The following ZFAT variants were observed in gnomAD, a reference collection of about 807,000 sequenced individuals.
The protein encoded by ZFAT is zinc finger and AT-hook domain containing.
A neutral mutation model predicts 117.7 loss-of-function variants in ZFAT; 64 were observed. That is an observed-to-expected ratio of 0.54 (90% CI 0.44 to 0.67). ZFAT has a LOEUF of 0.67. ZFAT is among the 30% of genes least tolerant of loss of function. The probability of loss-of-function intolerance (pLI) is 0.00; values close to 1 mark genes in which losing one functional copy is unlikely to be tolerated. For missense variants in ZFAT, 1,433 were observed against 1,584.5 expected, an observed-to-expected ratio of 0.90 and a Z score of 1.62; for synonymous variants, 679 against 615.0, an observed-to-expected ratio of 1.10 and a Z score of -1.54.
At chr8:134,818,658 A>C in the ZFAT span, among the ~76,000 whole-genome samples, 1 of 152,242 alleles carries the variant, frequency 6.6e-6, no homozygotes, top group Non-Finnish European at 1.5e-5. Flanking sequence ...TATTCATAGA[A>C]GCTTTACTTT....
At chr8:134,820,391 G>A in the ZFAT span, among the ~76,000 whole-genome samples, 5 of 152,200 alleles carry the variant, frequency 3.3e-5, no homozygotes, top group African/African-American at 1.2e-4. Flanking sequence ...AAGACTGTAA[G>A]CTCCTTTAGG....
chr8:134,812,631 T>A, the ZFAT span, among the ~76,000 whole-genome samples: 1 of 152,070 alleles, frequency 6.6e-6, no homozygotes, highest in African/African-American at 2.4e-5. Context: ...GATACTCAGG[T>A]GACTGAGGCA....
At chr8:134,663,893 T>C (rs1434487464) in intron 1 of ZFAT, among the ~76,000 whole-genome samples, 1 of 152,148 alleles carries the variant, frequency 6.6e-6, no homozygotes, top group Non-Finnish European at 1.5e-5. Context: ...AAGAATGGTG[T>C]CTTATTCAAG....
intron 3 of ZFAT, among the ~76,000 whole-genome samples, chr8:134,631,745 T>G (rs1160186794): frequency 5.3e-5 from 8 of 152,178 alleles, no homozygotes; most frequent in Non-Finnish European, 7.3e-5. Flanking sequence ...AGTGGCAAAT[T>G]GGCAGCAAGC....
At chr8:134,517,100 T>G (rs1419084602) in intron 13 of ZFAT, among the ~76,000 whole-genome samples, 1 of 152,154 alleles carries the variant, frequency 6.6e-6, no homozygotes, top group Non-Finnish European at 1.5e-5. Context: ...ATAACTGCAG[T>G]TTTTGCAGTT....
chr8:134,512,807 A>C (rs530702593), intron 13 of ZFAT, among the ~76,000 whole-genome samples: 1 of 152,318 alleles, frequency 6.6e-6, no homozygotes, highest in Admixed American at 6.5e-5. Context: ...ACCTTTAAAA[A>C]CTAGCTTTGG....
the ZFAT span, among the ~76,000 whole-genome samples, chr8:134,814,785 C>T: frequency 2.0e-5 from 3 of 152,192 alleles, no homozygotes; most frequent in African/African-American, 7.2e-5. Context: ...CTGTTTGACA[C>T]ATCCCAATAC....
the ZFAT span, among the ~76,000 whole-genome samples, chr8:134,827,103 G>A: frequency 2.0e-5 from 3 of 152,102 alleles, no homozygotes; most frequent in African/African-American, 7.2e-5. Flanking sequence ...CCAGACTGGA[G>A]TGTAGTGGCG....
At chr8:134,668,052 G>C (rs541872945) in intron 1 of ZFAT, among the ~76,000 whole-genome samples, 1 of 152,160 alleles carries the variant, frequency 6.6e-6, no homozygotes, top group Non-Finnish European at 1.5e-5. Context: ...CGGCACTGAG[G>C]CTGGGGAAGG....
At chr8:134,628,424 G>T (rs1829668153) in intron 3 of ZFAT, among the ~76,000 whole-genome samples, 1 of 152,124 alleles carries the variant, frequency 6.6e-6, no homozygotes, top group Non-Finnish European at 1.5e-5. Flanking sequence ...GGTTCTTAAG[G>T]CGCTTAGGCT....
intron 11 of ZFAT, among the ~76,000 whole-genome samples, chr8:134,545,908 A>G (rs939051814): frequency 6.6e-6 from 1 of 152,224 alleles, no homozygotes. Flanking sequence ...AGAAAAGTAA[A>G]GAAAGAAAGA....
chr8:134,563,072 C>T (rs762255756), intron 11 of ZFAT, among the ~76,000 whole-genome samples: 1 of 152,194 alleles, frequency 6.6e-6, no homozygotes, highest in Non-Finnish European at 1.5e-5. Flanking sequence ...AATAATTGCA[C>T]TAGTCCCCCA....
At position 134,532,902 on chromosome 8, in the gene ZFAT, T is replaced by C; in HGVS notation, c.3047A>G (p.Lys1016Arg). The C allele has an allele frequency of 5.0e-6, 8 of 1,609,938 alleles. No individual in the cohort carries two copies. The highest frequency in any genetic ancestry group is 5.9e-6 in the Non-Finnish European group (7 of 1,178,192). Residue 1016 changes from lysine (K) to arginine (R), a missense_variant, in exon 12 of 16, where the codon AAG becomes AGG. Physicochemically the swap from Lys to Arg is conservative, Grantham distance 26 (BLOSUM62 2). Coordinates refer to ENST00000377838, the MANE Select transcript of ZFAT (RefSeq NM_020863.4). ...SGSLKRHYNR[K>R]HPNEEYANVG... ...GTTGGCATACTCCTCATTAGGGTGC[T>C]TCCTGTTGTAGTGCCGCTTCAGAGA...
At chr8:134,512,404 G>C in intron 14 of ZFAT, 71 bp downstream of exon 14, 2 of 1,574,522 alleles carry the variant, frequency 1.3e-6, no homozygotes, top group Admixed American at 3.5e-5. Flanking sequence ...TCATTCATCT[G>C]CAAACGCATT....
At chr8:134,615,385 C>T (rs948254106) in intron 3 of ZFAT, among the ~76,000 whole-genome samples, 5 of 152,146 alleles carry the variant, frequency 3.3e-5, no homozygotes, top group Admixed American at 1.3e-4. Flanking sequence ...GACGGGGTTT[C>T]GCCATGTTAG....
the ZFAT span, among the ~76,000 whole-genome samples, chr8:134,818,319 T>C: frequency 6.6e-6 from 1 of 152,096 alleles, no homozygotes; most frequent in Admixed American, 6.6e-5. Context: ...GTAAAAGATT[T>C]GAACAGATGC....
intron 7 of ZFAT, among the ~76,000 whole-genome samples, chr8:134,590,603 C>T (rs956683124): frequency 2.0e-5 from 3 of 151,400 alleles, no homozygotes; most frequent in Non-Finnish European, 4.4e-5. Context: ...CCACCACCAG[C>T]ACTATCAATA....
intron 15 of ZFAT, among the ~76,000 whole-genome samples, chr8:134,495,129 C>T (rs1818338432): frequency 6.6e-6 from 1 of 152,208 alleles, no homozygotes; most frequent in African/African-American, 2.4e-5. Flanking sequence ...GCAGCCTGGT[C>T]TCAGCTCAGG....
chr8:134,726,681 A>C, the ZFAT span, among the ~76,000 whole-genome samples: 1 of 151,432 alleles, frequency 6.6e-6, no homozygotes, highest in Non-Finnish European at 1.5e-5. Flanking sequence ...TGCAACCTCC[A>C]CCTCCCAGGC....
Sources: allele counts gnomAD v4.1 joint callset (sites outside exome capture counted in the v4.1 genomes callset), GRCh38; gene constraint gnomAD v4.1.1; transcripts MANE v1.5; gene names NCBI Gene and HGNC (gene_info 2026-07-23, HGNC 2026-07-21).